LRRC53: variants seen among roughly 807,000 people sequenced by gnomAD.
LRRC53 encodes leucine rich repeat containing 53.
LRRC53 carries 25 observed loss-of-function variants against 13.6 expected under a neutral mutation model. That is an observed-to-expected ratio of 1.83 (90% CI 1.34 to 2.56). LRRC53 has a LOEUF of 2.56. LRRC53 is among the 30% of genes most tolerant of loss of function. LRRC53 has a pLI of 0.00. For missense variants in LRRC53, 527 were observed against 275.8 expected, an observed-to-expected ratio of 1.91 and a Z score of -6.45; for synonymous variants, 204 against 109.8, an observed-to-expected ratio of 1.86 and a Z score of -5.37.
intron 1 of LRRC53, among the ~76,000 whole-genome samples, chr1:74,497,445 T>G (rs1669385522): frequency 6.6e-6 from 1 of 152,088 alleles, no homozygotes; most frequent in African/African-American, 2.4e-5. Context: ...CTCACCACAA[T>G]CAGCAATTTC....
chr1:74,496,673 A>G (rs1257483996), intron 1 of LRRC53, among the ~76,000 whole-genome samples: 1 of 152,194 alleles, frequency 6.6e-6, no homozygotes, highest in African/African-American at 2.4e-5. Flanking sequence ...TTTTCTCCAC[A>G]GATAATAGGA....
intron 4 of LRRC53, among the ~76,000 whole-genome samples, chr1:74,474,516 T>G (rs1434468492): frequency 6.6e-6 from 1 of 152,182 alleles, no homozygotes. Context: ...ATACAGCACC[T>G]CTGTCATTCA....
chr1:74,533,469 G>C, the LRRC53 span, among the ~76,000 whole-genome samples: 1 of 152,120 alleles, frequency 6.6e-6, no homozygotes, highest in Non-Finnish European at 1.5e-5. Flanking sequence ...TGGTGGGACT[G>C]TAAACTAGTT....
At chr1:74,489,459 C>T (rs1295441630) in intron 1 of LRRC53, among the ~76,000 whole-genome samples, 1 of 152,084 alleles carries the variant, frequency 6.6e-6, no homozygotes, top group Non-Finnish European at 1.5e-5. Flanking sequence ...TCGAGACCTT[C>T]CAACAAATAA....
rs1668144498 is a variant in LRRC53, at chr1:74,475,359, T to C, written c.1356A>G (p.Leu452=). ...GGACTTCTCCAGGCTCAAGATTCCA[T>C]AGCTTTTGAACTTTCCTTGGATTAT... ...TTYNPRKVQK[L]WNLEPGEVQP... Residue 452 remains leucine, a synonymous_variant, in exon 4 of 5, where the codon CTA becomes CTG. Transcript: ENST00000294635. The C allele has an allele frequency of 1.4e-6, 1 of 715,424 alleles. No homozygotes were observed. The highest frequency in any genetic ancestry group is 2.6e-6 in the Non-Finnish European group (1 of 384,336). The allele number at this position is 715,424 out of a possible 1,614,324, so 44.3% of individuals were successfully genotyped here.
chr1:74,473,746 A>G (rs1668052950), intron 4 of LRRC53, among the ~76,000 whole-genome samples: 1 of 152,074 alleles, frequency 6.6e-6, no homozygotes, highest in Non-Finnish European at 1.5e-5. Context: ...TTCGCTGTGT[A>G]TTGGAAGGTT....
At chr1:74,495,398 G>T (rs914645905) in intron 1 of LRRC53, among the ~76,000 whole-genome samples, 1 of 152,210 alleles carries the variant, frequency 6.6e-6, no homozygotes, top group Non-Finnish European at 1.5e-5. Flanking sequence ...CTAGCAGTAT[G>T]ATTGGCATAA....
chr1:74,487,974 AG>A (rs1668852765), intron 1 of LRRC53, among the ~76,000 whole-genome samples: 1 of 152,128 alleles, frequency 6.6e-6, no homozygotes, highest in Non-Finnish European at 1.5e-5. Flanking sequence ...GGTATAACTA[AG>A]GGGCTGAGTG....
At chr1:74,531,754 G>A in the LRRC53 span, among the ~76,000 whole-genome samples, 1 of 152,194 alleles carries the variant, frequency 6.6e-6, no homozygotes, top group Non-Finnish European at 1.5e-5. Context: ...GTTTCCTTTT[G>A]AGTATAAGAG....
At chr1:74,474,746 T>TGTGGGACAATGAATTAA (rs1553150506) in intron 4 of LRRC53, among the ~76,000 whole-genome samples, 1 of 152,110 alleles carries the variant, frequency 6.6e-6, no homozygotes, top group East Asian at 1.9e-4. Flanking sequence ...TGGCTCCCAG[T>TGTGGGACAATGAATTAA]GTGGGACAAT....
chr1:74,531,211 G>T, the LRRC53 span, among the ~76,000 whole-genome samples: 6 of 152,186 alleles, frequency 3.9e-5, no homozygotes, highest in Non-Finnish European at 8.8e-5. Context: ...TTTGGCACTT[G>T]CCCATTCTCT....
At chr1:74,519,792 CTTTAAG>C in the LRRC53 span, among the ~76,000 whole-genome samples, 3 of 152,086 alleles carry the variant, frequency 2.0e-5, no homozygotes, top group African/African-American at 7.2e-5. Context: ...CAAGCCAAAG[CTTTAAG>C]TTTATAATGT....
chr1:74,513,278 A>T (rs1646290404), upstream of LRRC53, among the ~76,000 whole-genome samples: 1 of 152,160 alleles, frequency 6.6e-6, no homozygotes. Flanking sequence ...GGGATGTGGA[A>T]ATTTACTGAG....
chr1:74,473,302 T>A (rs1668028998), intron 4 of LRRC53, among the ~76,000 whole-genome samples: 1 of 152,098 alleles, frequency 6.6e-6, no homozygotes, highest in Non-Finnish European at 1.5e-5. Context: ...ATCAGCTAAG[T>A]GTTGAAACCA....
the LRRC53 span, among the ~76,000 whole-genome samples, chr1:74,535,226 A>T: frequency 1.3e-4 from 20 of 152,186 alleles, no homozygotes; most frequent in African/African-American, 4.8e-4. Context: ...CCTGTAATCC[A>T]AGCACTTTGG....
chr1:74,534,913 C>T, the LRRC53 span, among the ~76,000 whole-genome samples: 1 of 152,240 alleles, frequency 6.6e-6, no homozygotes, highest in East Asian at 1.9e-4. Flanking sequence ...TGCAATGGTT[C>T]CTTCAGGCAT....
At chr1:74,481,660 T>C (rs1246660693) in intron 2 of LRRC53, among the ~76,000 whole-genome samples, 1 of 152,212 alleles carries the variant, frequency 6.6e-6, no homozygotes, top group East Asian at 1.9e-4. Flanking sequence ...CAGGTGGTAC[T>C]CAGGGCTTCC....
At chr1:74,487,605 C>T (rs1012890269) in intron 1 of LRRC53, among the ~76,000 whole-genome samples, 1 of 151,632 alleles carries the variant, frequency 6.6e-6, no homozygotes, top group African/African-American at 2.4e-5. Context: ...GGAAGTGAAT[C>T]TAATGATAAA....
Position 74,470,399 on chromosome 1 carries a change from CTA to C in LRRC53, c.3221_3222del (p.Leu1074ArgfsTer14). 7.5e-6 allele frequency: 3 copies of C among 400,700 alleles called. No homozygotes were observed. The highest frequency in any genetic ancestry group is 1.3e-5 in the Non-Finnish European group (3 of 226,200). The allele number at this position is 400,700 out of a possible 1,614,324, so 24.8% of individuals were successfully genotyped here. ...TCTTCTTTCCCTACTATTTTTATCT[CTA>C]GTGCTTCAGTGCCGTCATTTCTGGG... ...ALPRNDGTEA[L>X]EIKIVGKEEK... On this transcript the variant is annotated frameshift_variant, in exon 5 of 5. Coordinates refer to ENST00000294635, the MANE Select transcript of LRRC53 (RefSeq NM_001382280.1). LOFTEE classifies it low-confidence loss of function (END_TRUNC).
Sources: allele counts gnomAD v4.1 joint callset (sites outside exome capture counted in the v4.1 genomes callset), GRCh38; gene constraint gnomAD v4.1.1; transcripts MANE v1.5; gene names NCBI Gene and HGNC (gene_info 2026-07-23, HGNC 2026-07-21).